The following PDE1C variants were observed in gnomAD, a reference collection of about 807,000 sequenced individuals.
The protein encoded by PDE1C is dual specificity calcium/calmodulin-dependent 3',5'-cyclic nucleotide phosphodiesterase 1C.
In PDE1C, 62 loss-of-function variants were observed where a neutral mutation model predicts 93.1. The ratio of observed to expected loss-of-function variants is 0.67; its 90% confidence interval spans 0.54 to 0.82. PDE1C has a LOEUF of 0.82. PDE1C is among the 40% of genes least tolerant of loss of function. The pLI, the probability that PDE1C is intolerant of heterozygous loss-of-function variation, is 0.00. For missense variants in PDE1C, 742 were observed against 884.6 expected (o/e 0.84, Z 2.04); for synonymous variants, 325 against 310.1 (o/e 1.05, Z -0.50).
intron 1 of PDE1C, among the ~76,000 whole-genome samples, chr7:32,380,515 G>T (rs1225301112): frequency 6.6e-6 from 1 of 151,234 alleles, no homozygotes; most frequent in Non-Finnish European, 1.5e-5. Context: ...CAAAGTGCTG[G>T]GATTACAGGT....
chr7:31,643,950 T>C, the PDE1C span: 1 of 1,605,630 alleles, frequency 6.2e-7, no homozygotes, highest in Non-Finnish European at 8.5e-7. Context: ...GGGAGCTATG[T>C]TCCGTAAGTG....
intron 2 of PDE1C, among the ~76,000 whole-genome samples, chr7:31,938,958 C>G (rs1805449376): frequency 6.6e-6 from 1 of 152,150 alleles, no homozygotes; most frequent in Non-Finnish European, 1.5e-5. Context: ...CTCACCACCT[C>G]CAGCACCAAA....
At position 31,968,580 on chromosome 7, in the gene PDE1C, G is replaced by C. The variant is rs4720050; in HGVS notation, c.128+82974C>G. ...ATGCCATCCCCATCAAGCTACCAAT[G>C]ACTTTCTTCACAGAATTGGAAAAAA... On this transcript the variant is annotated intron_variant, in intron 2 of 17. Coordinates refer to ENST00000396191, the MANE Select transcript of PDE1C (RefSeq NM_001191057.4). Among the ~76,000 whole-genome samples, 5 of 151,698 alleles carry C rather than the reference G, an allele frequency of 3.3e-5. No homozygotes were observed. In the South Asian group the frequency reaches 8.3e-4, roughly 25 times the overall value.
At chr7:32,299,063 G>A (rs1812808528) in exon 1 of PDE1C, 9 of 1,115,000 alleles carry the variant, frequency 8.1e-6, no homozygotes, top group African/African-American at 1.6e-5. Flanking sequence ...CGGTGGGCGC[G>A]GAGATCCCTG....
intron 11 of PDE1C, among the ~76,000 whole-genome samples, chr7:31,831,476 G>GCGCACACACACA (rs1554355027): frequency 7.1e-6 from 1 of 141,050 alleles, no homozygotes; most frequent in Non-Finnish European, 1.5e-5. Context: ...GGAAGTAAAG[G>GCGCACACACACA]CACACACACA....
At chr7:31,714,889 T>C in the PDE1C span, among the ~76,000 whole-genome samples, 1 of 152,256 alleles carries the variant, frequency 6.6e-6, no homozygotes, top group South Asian at 2.1e-4. Context: ...AGCCAAACCA[T>C]ATCACTAGCC....
At chr7:31,720,589 A>T in the PDE1C span, among the ~76,000 whole-genome samples, 1 of 152,234 alleles carries the variant, frequency 6.6e-6, no homozygotes, top group African/African-American at 2.4e-5. Context: ...AGCAGCAGCC[A>T]AATCTGCAGC....
intron 6 of PDE1C, among the ~76,000 whole-genome samples, chr7:31,871,347 T>C (rs1044578063): frequency 6.6e-6 from 1 of 151,418 alleles, no homozygotes; most frequent in Non-Finnish European, 1.5e-5. Flanking sequence ...ACACAGGCAA[T>C]AAAAACAAAA....
At chr7:32,285,465 G>A (rs1433449840) in intron 1 of PDE1C, among the ~76,000 whole-genome samples, 1 of 152,086 alleles carries the variant, frequency 6.6e-6, no homozygotes. Flanking sequence ...CCAACAATTA[G>A]TTAATGGATA....
chr7:32,325,646 A>G (rs1303721521), intron 1 of PDE1C, among the ~76,000 whole-genome samples: 1 of 152,234 alleles, frequency 6.6e-6, no homozygotes, highest in Non-Finnish European at 1.5e-5. Context: ...AGCACCTAGA[A>G]AAGCACTCAT....
chr7:31,928,970 A>G (rs1222602036), intron 2 of PDE1C, among the ~76,000 whole-genome samples: 1 of 152,184 alleles, frequency 6.6e-6, no homozygotes, highest in Non-Finnish European at 1.5e-5. Context: ...AAATACCCCA[A>G]TTAAGAGACA....
intron 1 of PDE1C, among the ~76,000 whole-genome samples, chr7:32,232,552 AG>A (rs1185863947): frequency 6.6e-6 from 1 of 152,232 alleles, no homozygotes; most frequent in Non-Finnish European, 1.5e-5. Context: ...CTTAAATAAA[AG>A]CTCTAGCTTT....
intron 1 of PDE1C, among the ~76,000 whole-genome samples, chr7:32,297,259 T>C (rs1251279302): frequency 6.6e-6 from 1 of 152,232 alleles, no homozygotes; most frequent in East Asian, 1.9e-4. Flanking sequence ...CTTTTCTTGG[T>C]CTCTTCTTGG....
chr7:31,829,721 G>A (rs1003326122), intron 11 of PDE1C, among the ~76,000 whole-genome samples: 7 of 152,036 alleles, frequency 4.6e-5, no homozygotes, highest in Admixed American at 2.6e-4. Flanking sequence ...ACACCCCAGC[G>A]GACACAATGG....
At chr7:31,803,417 A>ATTT (rs1240036327) in intron 16 of PDE1C, among the ~76,000 whole-genome samples, 1 of 151,220 alleles carries the variant, frequency 6.6e-6, no homozygotes, top group Non-Finnish European at 1.5e-5. Flanking sequence ...TATTATTATT[A>ATTT]TTATACTTTA....
chr7:31,798,556 C>G (rs576812240), intron 16 of PDE1C, among the ~76,000 whole-genome samples: 2 of 151,626 alleles, frequency 1.3e-5, no homozygotes, highest in South Asian at 4.1e-4. Flanking sequence ...GAAGTCTGAA[C>G]AAAAATGGTC....
chr7:32,155,834 T>C (rs1801537698), intron 3 of PDE1C, among the ~76,000 whole-genome samples: 1 of 152,132 alleles, frequency 6.6e-6, no homozygotes, highest in Non-Finnish European at 1.5e-5. Flanking sequence ...TAACTGGGAT[T>C]AAACCAGAGC....
At chr7:32,329,952 T>G (rs1161329457) in intron 1 of PDE1C, among the ~76,000 whole-genome samples, 2 of 152,342 alleles carry the variant, frequency 1.3e-5, no homozygotes, top group Middle Eastern at 3.4e-3. Flanking sequence ...GTTGCCTTTG[T>G]CTCCCCATCA....
chr7:32,031,196 A>G (rs1421100450), intron 2 of PDE1C, among the ~76,000 whole-genome samples: 1 of 152,152 alleles, frequency 6.6e-6, no homozygotes, highest in African/African-American at 2.4e-5. Flanking sequence ...CAGTTCCCTC[A>G]TTAATAATGA....
Sources: allele counts gnomAD v4.1 joint callset (sites outside exome capture counted in the v4.1 genomes callset), GRCh38; gene constraint gnomAD v4.1.1; transcripts MANE v1.5; gene names NCBI Gene and HGNC (gene_info 2026-07-23, HGNC 2026-07-21).